Variants in CNTNAP2 observed in about 807,000 individuals in gnomAD.
CNTNAP2 encodes contactin-associated protein-like 2.
Under a neutral mutation model 155.2 loss-of-function variants are expected in CNTNAP2, and 98 were observed. The observed-to-expected ratio is 0.63, with a 90% CI of 0.54 to 0.75. The LOEUF (loss-of-function observed/expected upper bound fraction) is 0.75. Ranked by LOEUF, CNTNAP2 falls within the 30% of genes least tolerant of loss-of-function variation. The pLI is 0.00. For synonymous variants in CNTNAP2, 651 were observed against 631.2 expected (o/e 1.03, Z -0.47); for missense variants, 1,727 against 1,688.1 (o/e 1.02, Z -0.40).
intron 13 of CNTNAP2, among the ~76,000 whole-genome samples, chr7:147,740,395 C>A (rs1448259800): frequency 1.3e-5 from 2 of 152,146 alleles, no homozygotes; most frequent in East Asian, 3.9e-4. Flanking sequence ...ATTTGTGTAG[C>A]AATGCCTCAC....
chr7:147,761,459 C>T (rs1464264608), intron 13 of CNTNAP2, among the ~76,000 whole-genome samples: 1 of 152,074 alleles, frequency 6.6e-6, no homozygotes, highest in Non-Finnish European at 1.5e-5. Context: ...AACAGAAAGC[C>T]CCGAAGTGCC....
intron 9 of CNTNAP2, among the ~76,000 whole-genome samples, chr7:147,373,062 C>T (rs746259991): frequency 4.6e-5 from 7 of 152,014 alleles, no homozygotes; most frequent in Non-Finnish European, 8.8e-5. Flanking sequence ...TCGTGTCCCT[C>T]GAAGACTTGA....
intron 10 of CNTNAP2, among the ~76,000 whole-genome samples, chr7:147,479,166 G>A (rs1370879201): frequency 5.3e-5 from 8 of 152,158 alleles, no homozygotes; most frequent in African/African-American, 1.9e-4. Flanking sequence ...ACGTAGAAGG[G>A]GATTCCTCCT....
At chr7:148,084,759 G>T (rs768238156) in intron 15 of CNTNAP2, among the ~76,000 whole-genome samples, 3 of 152,204 alleles carry the variant, frequency 2.0e-5, no homozygotes, top group Non-Finnish European at 4.4e-5. Flanking sequence ...GCTGGGAAGT[G>T]CTCTTATTAT....
chr7:148,031,953 G>A (rs568670230), intron 15 of CNTNAP2, among the ~76,000 whole-genome samples: 5 of 152,184 alleles, frequency 3.3e-5, no homozygotes, highest in Admixed American at 1.3e-4. Flanking sequence ...AAGATCATTC[G>A]TCACTGCCAG....
intron 3 of CNTNAP2, among the ~76,000 whole-genome samples, chr7:146,928,412 T>C (rs1474817609): frequency 6.6e-6 from 1 of 152,222 alleles, no homozygotes; most frequent in Non-Finnish European, 1.5e-5. Context: ...GTTCATAGGC[T>C]ATTTTATTTT....
intron 9 of CNTNAP2, among the ~76,000 whole-genome samples, chr7:147,337,523 G>T (rs2116853254): frequency 6.6e-6 from 1 of 152,140 alleles, no homozygotes; most frequent in East Asian, 1.9e-4. Context: ...AGTGCTGTGT[G>T]TCTTCTAAGT....
At chr7:147,449,362 G>T (rs1254099399) in intron 10 of CNTNAP2, among the ~76,000 whole-genome samples, 1 of 152,092 alleles carries the variant, frequency 6.6e-6, no homozygotes, top group Non-Finnish European at 1.5e-5. Flanking sequence ...CATCTAGTGT[G>T]GGGCCTCACT....
chr7:147,080,070 A>G (rs1214293360), intron 4 of CNTNAP2, among the ~76,000 whole-genome samples: 1 of 151,588 alleles, frequency 6.6e-6, no homozygotes, highest in African/African-American at 2.4e-5. Flanking sequence ...TCTAGCTTGA[A>G]AGCAACTCAG....
chr7:147,830,804 C>T (rs1264497236), intron 13 of CNTNAP2, among the ~76,000 whole-genome samples: 5 of 152,192 alleles, frequency 3.3e-5, no homozygotes, highest in Non-Finnish European at 5.9e-5. Flanking sequence ...CTGACTGCTA[C>T]GTTACTTTTT....
intron 13 of CNTNAP2, among the ~76,000 whole-genome samples, chr7:147,842,610 A>C (rs1482176845): frequency 3.6e-5 from 2 of 55,214 alleles, no homozygotes; most frequent in Admixed American, 2.5e-4. Context: ...TTTTTATTAT[A>C]CTCTAAGTTT....
At chr7:146,151,698 GTATATATATATATA>G in intron 1 of CNTNAP2, among the ~76,000 whole-genome samples, 1 of 74,092 alleles carries the variant, frequency 1.3e-5, no homozygotes, top group African/African-American at 4.0e-5. Flanking sequence ...ATATATATAT[GTATATATATATATA>G]TGTATATATA....
At chr7:146,480,119 AATG>A (rs1796937807) in intron 1 of CNTNAP2, among the ~76,000 whole-genome samples, 1 of 152,194 alleles carries the variant, frequency 6.6e-6, no homozygotes, top group Non-Finnish European at 1.5e-5. Context: ...GGAATGAGGT[AATG>A]ATAACACACC....
chr7:147,829,291 C>A (rs1249488470), intron 13 of CNTNAP2, among the ~76,000 whole-genome samples: 2 of 152,086 alleles, frequency 1.3e-5, no homozygotes, highest in Non-Finnish European at 2.9e-5. Context: ...ATCAATCATG[C>A]CACAGGAGTT....
At chr7:146,558,921 G>A (rs918446380) in intron 1 of CNTNAP2, among the ~76,000 whole-genome samples, 3 of 152,140 alleles carry the variant, frequency 2.0e-5, no homozygotes, top group Admixed American at 6.6e-5. Flanking sequence ...GCCTGAGTGT[G>A]GGATTTTGAT....
At chr7:147,960,986 A>G (rs1801110121) in intron 14 of CNTNAP2, among the ~76,000 whole-genome samples, 1 of 152,208 alleles carries the variant, frequency 6.6e-6, no homozygotes, top group Admixed American at 6.6e-5. Flanking sequence ...GACAAAAATT[A>G]TATACAAAGA....
chr7:146,875,672 G>A (rs1047147106), intron 3 of CNTNAP2, among the ~76,000 whole-genome samples: 10 of 136,368 alleles, frequency 7.3e-5, no homozygotes, highest in Non-Finnish European at 1.6e-4. Flanking sequence ...GTTTGCTTTT[G>A]GCGGGGGGGC....
chr7:147,888,987 G>A (rs1799642943), intron 13 of CNTNAP2, among the ~76,000 whole-genome samples: 1 of 151,968 alleles, frequency 6.6e-6, no homozygotes, highest in Non-Finnish European at 1.5e-5. Flanking sequence ...ACAAGATGAA[G>A]CTAAAAAATA....
At chr7:147,783,832 T>G (rs991786570) in intron 13 of CNTNAP2, among the ~76,000 whole-genome samples, 2 of 152,162 alleles carry the variant, frequency 1.3e-5, no homozygotes, top group African/African-American at 4.8e-5. Context: ...TAAGCATGCC[T>G]TCACCAGACA....
Sources: gnomAD v4.1 joint callset for allele counts (sites outside exome capture counted in the v4.1 genomes callset) on GRCh38, gnomAD v4.1.1 for gene constraint, MANE v1.5 for transcripts, NCBI Gene and HGNC (gene_info 2026-07-23, HGNC 2026-07-21) for gene names.